Variants in FHIT observed in about 807,000 individuals in gnomAD.
The protein encoded by FHIT is fragile histidine triad diadenosine triphosphatase.
In FHIT, 19 loss-of-function variants were observed where a neutral mutation model predicts 17.9. That is an observed-to-expected ratio of 1.06 (90% CI 0.74 to 1.56). The LOEUF (loss-of-function observed/expected upper bound fraction) is 1.56, where lower values mean the gene tolerates loss of function less well. FHIT is among the 40% of genes most tolerant of loss of function. FHIT has a pLI of 0.00. For missense variants in FHIT, 248 were observed against 189.2 expected (o/e 1.31, Z -1.82); for synonymous variants, 81 against 69.7 (o/e 1.16, Z -0.81).
chr3:60,459,635 A>G (rs1197615610), intron 5 of FHIT, among the ~76,000 whole-genome samples: 1 of 152,246 alleles, frequency 6.6e-6, no homozygotes, highest in Non-Finnish European at 1.5e-5. Context: ...AAAGCTGATT[A>G]TAAAGACATT....
chr3:60,306,365 A>G (rs963311550), intron 5 of FHIT, among the ~76,000 whole-genome samples: 2 of 152,206 alleles, frequency 1.3e-5, no homozygotes, highest in Admixed American at 1.3e-4. Flanking sequence ...GTTTGAGGAA[A>G]CTAAAGGTAA....
At chr3:59,806,106 A>G (rs1256362723) in intron 8 of FHIT, among the ~76,000 whole-genome samples, 4 of 150,970 alleles carry the variant, frequency 2.6e-5, no homozygotes, top group South Asian at 2.1e-4. Context: ...GCGTGAACCC[A>G]GGAGGCGGAG....
intron 4 of FHIT, among the ~76,000 whole-genome samples, chr3:60,544,042 G>C (rs1233802258): frequency 6.6e-6 from 1 of 150,742 alleles, no homozygotes; most frequent in African/African-American, 2.4e-5. Context: ...ACAGGCATGA[G>C]CCACCGCGCC....
At chr3:60,719,370 T>C (rs1206519724) in intron 4 of FHIT, among the ~76,000 whole-genome samples, 2 of 152,198 alleles carry the variant, frequency 1.3e-5, no homozygotes, top group Non-Finnish European at 2.9e-5. Context: ...ATCGGACCTC[T>C]GTCTGTTTGC....
intron 4 of FHIT, among the ~76,000 whole-genome samples, chr3:60,801,616 C>G (rs1383489385): frequency 6.6e-6 from 1 of 152,194 alleles, no homozygotes; most frequent in Non-Finnish European, 1.5e-5. Flanking sequence ...GTCATGTGAC[C>G]TTACAGACCA....
chr3:61,215,062 G>A (rs1384412374), intron 1 of FHIT, among the ~76,000 whole-genome samples: 2 of 151,578 alleles, frequency 1.3e-5, no homozygotes, highest in African/African-American at 4.8e-5. Context: ...TACTGAATGG[G>A]CAAAAACTGG....
chr3:60,206,030 G>A (rs1703157867), intron 5 of FHIT, among the ~76,000 whole-genome samples: 1 of 151,004 alleles, frequency 6.6e-6, no homozygotes, highest in South Asian at 2.1e-4. Flanking sequence ...CTACTGGGAA[G>A]GCTGAGGCAG....
intron 5 of FHIT, among the ~76,000 whole-genome samples, chr3:60,469,646 T>C (rs946764276): frequency 5.9e-5 from 9 of 151,706 alleles, no homozygotes; most frequent in African/African-American, 1.2e-4. Flanking sequence ...CTCTCCAGGA[T>C]TGGCTACAGG....
intron 1 of FHIT, among the ~76,000 whole-genome samples, chr3:61,206,137 G>T (rs1342269123): frequency 7.7e-6 from 1 of 130,708 alleles, no homozygotes; most frequent in Non-Finnish European, 1.6e-5. Flanking sequence ...TAGATATGTG[G>T]CATTATTTCT....
At chr3:60,901,714 G>C (rs1454150358) in intron 3 of FHIT, among the ~76,000 whole-genome samples, 2 of 152,128 alleles carry the variant, frequency 1.3e-5, no homozygotes, top group African/African-American at 2.4e-5. Context: ...TTCACTTGTA[G>C]CTAGGTACTT....
At chr3:60,406,521 T>C (rs1701864175) in intron 5 of FHIT, among the ~76,000 whole-genome samples, 1 of 152,186 alleles carries the variant, frequency 6.6e-6, no homozygotes, top group Admixed American at 6.5e-5. Context: ...GAAATCAATT[T>C]CCTTTATTAG....
chr3:60,997,785 T>A (rs1475473900), intron 3 of FHIT, among the ~76,000 whole-genome samples: 2 of 152,130 alleles, frequency 1.3e-5, no homozygotes, highest in South Asian at 4.1e-4. Flanking sequence ...TAAAAAAGAT[T>A]AAAGACAAAA....
intron 4 of FHIT, among the ~76,000 whole-genome samples, chr3:60,679,780 A>G (rs920383705): frequency 2.6e-5 from 4 of 152,096 alleles, no homozygotes; most frequent in African/African-American, 9.7e-5. Context: ...CCCATGCCCA[A>G]TTCCACTACA....
At chr3:61,240,603 C>T (rs570194266) in intron 1 of FHIT, among the ~76,000 whole-genome samples, 1 of 152,320 alleles carries the variant, frequency 6.6e-6, no homozygotes, top group South Asian at 2.1e-4. Context: ...AGATATATTT[C>T]AGCCCATACA....
chr3:60,371,372 T>A (rs1223689206), intron 5 of FHIT, among the ~76,000 whole-genome samples: 2 of 152,060 alleles, frequency 1.3e-5, no homozygotes, highest in Admixed American at 1.3e-4. Context: ...TAGCTTTTTT[T>A]TTTAAGAGAT....
At chr3:60,195,584 T>A (rs1291081151) in intron 5 of FHIT, among the ~76,000 whole-genome samples, 1 of 134,768 alleles carries the variant, frequency 7.4e-6, no homozygotes, top group Non-Finnish European at 1.6e-5. Flanking sequence ...ATTATATTTA[T>A]ATTTATATAT....
intron 5 of FHIT, among the ~76,000 whole-genome samples, chr3:60,356,460 G>A (rs1699655324): frequency 6.6e-6 from 1 of 152,064 alleles, no homozygotes; most frequent in Non-Finnish European, 1.5e-5. Flanking sequence ...TTATTTGAAG[G>A]ATTTCTTTTC....
chr3:60,210,250 A>G (rs1278840146), intron 5 of FHIT, among the ~76,000 whole-genome samples: 1 of 152,190 alleles, frequency 6.6e-6, no homozygotes, highest in Non-Finnish European at 1.5e-5. Context: ...GGATAGTCAC[A>G]TGAAGAAAGG....
chr3:60,870,281 G>T (rs574409207), intron 3 of FHIT, among the ~76,000 whole-genome samples: 1 of 151,918 alleles, frequency 6.6e-6, no homozygotes, highest in East Asian at 1.9e-4. Context: ...AAACAGGTCA[G>T]CAAGACTTGA....
Sources: gnomAD v4.1 joint callset for allele counts (sites outside exome capture counted in the v4.1 genomes callset) on GRCh38, gnomAD v4.1.1 for gene constraint, MANE v1.5 for transcripts, NCBI Gene and HGNC (gene_info 2026-07-23, HGNC 2026-07-21) for gene names.